Variants in SLIT3 observed in about 807,000 individuals in gnomAD.
The protein encoded by SLIT3 is slit guidance ligand 3, also known as slit homolog 3 protein.
In SLIT3, 68 loss-of-function variants were observed where a neutral mutation model predicts 184.0. The ratio of observed to expected loss-of-function variants is 0.37; its 90% CI spans 0.30 to 0.45. The LOEUF (loss-of-function observed/expected upper bound fraction) is 0.45. Ranked by LOEUF, SLIT3 falls within the 20% of genes least tolerant of loss-of-function variation. SLIT3 has a pLI of 1.00. For synonymous variants in SLIT3, 831 were observed against 828.6 expected (o/e 1.00, Z -0.05); for missense variants, 1,707 against 2,026.0 (o/e 0.84, Z 3.02).
chr5:168,910,733 G>C (rs1012872412), intron 4 of SLIT3, among the ~76,000 whole-genome samples: 1 of 144,026 alleles, frequency 6.9e-6, no homozygotes, highest in African/African-American at 2.6e-5. Context: ...GCGACAGAGT[G>C]AGACTCTGTC....
At position 168,822,360 on chromosome 5, in the gene SLIT3, AC is replaced by A. The variant is rs1302670001; in HGVS notation, c.629+899del. On this transcript the variant is annotated intron_variant, in intron 7 of 35. Coordinates refer to ENST00000519560, the MANE Select transcript of SLIT3 (RefSeq NM_003062.4). ...ATTTATAGAGGAGGGAACAGAGGAA[AC>A]AGAGCTAATAAAGGGGACTGCAGGA... is the stretch of plus-strand genomic sequence containing the variant. Among the ~76,000 whole-genome samples the A allele has an allele frequency of 4.6e-5, 7 of 152,354 alleles. No homozygotes were observed. The East Asian group carries it at 1.4e-3, about 29-fold the overall frequency.
At chr5:168,764,699 C>T (rs1429786093) in intron 14 of SLIT3, among the ~76,000 whole-genome samples, 2 of 152,134 alleles carry the variant, frequency 1.3e-5, no homozygotes. Context: ...GAAGCCTGGT[C>T]CTGTCCTCCT....
At chr5:169,221,071 A>T (rs1020015381) in intron 3 of SLIT3, among the ~76,000 whole-genome samples, 11 of 152,302 alleles carry the variant, frequency 7.2e-5, no homozygotes, top group African/African-American at 2.6e-4. Context: ...TGAGATCCCT[A>T]ACCCATAGGG....
At chr5:169,282,164 C>G (rs1767019419) in intron 1 of SLIT3, among the ~76,000 whole-genome samples, 1 of 152,178 alleles carries the variant, frequency 6.6e-6, no homozygotes, top group Non-Finnish European at 1.5e-5. Context: ...GGTGGGAGAA[C>G]CAGCATCTAT....
intron 4 of SLIT3, among the ~76,000 whole-genome samples, chr5:169,025,234 A>T (rs1756769869): frequency 6.6e-6 from 1 of 152,210 alleles, no homozygotes; most frequent in African/African-American, 2.4e-5. Context: ...AATTTTAAAG[A>T]CACTATTATT....
At chr5:169,097,124 C>G (rs777595402) in intron 4 of SLIT3, among the ~76,000 whole-genome samples, 4 of 152,156 alleles carry the variant, frequency 2.6e-5, no homozygotes, top group Admixed American at 1.3e-4. Context: ...GTTAAGATTC[C>G]TTGTTAGGAC....
At chr5:168,689,698 G>A (rs184799381) in intron 29 of SLIT3, among the ~76,000 whole-genome samples, 5 of 152,290 alleles carry the variant, frequency 3.3e-5, no homozygotes, top group East Asian at 3.9e-4. Flanking sequence ...GAGAGGGAAC[G>A]TACAAGGAGA....
intron 2 of SLIT3, among the ~76,000 whole-genome samples, chr5:169,248,979 T>TGG (rs1042679896): frequency 6.6e-6 from 1 of 152,200 alleles, no homozygotes; most frequent in Admixed American, 6.5e-5. Context: ...CAGAAACTGT[T>TGG]GGGTGGCCAA....
chr5:168,957,464 A>G (rs948465301), intron 4 of SLIT3, among the ~76,000 whole-genome samples: 1 of 152,192 alleles, frequency 6.6e-6, no homozygotes, highest in Non-Finnish European at 1.5e-5. Context: ...CACTTTGGAC[A>G]TACATCCCCC....
At chr5:169,103,836 C>T (rs1469334047) in intron 4 of SLIT3, among the ~76,000 whole-genome samples, 1 of 152,132 alleles carries the variant, frequency 6.6e-6, no homozygotes, top group Non-Finnish European at 1.5e-5. Flanking sequence ...CCTCGTCTCT[C>T]ACCAGTGGGA....
intron 5 of SLIT3, among the ~76,000 whole-genome samples, chr5:168,868,747 C>CAGAAAAAAAAAAAAAAAA (rs869113329): frequency 2.9e-5 from 2 of 69,320 alleles, no homozygotes; most frequent in Non-Finnish European, 2.9e-5. Flanking sequence ...GAATCTGCCT[C>CAGAAAAAAAAAAAAAAAA]AAAAAAAAAA....
intron 14 of SLIT3, among the ~76,000 whole-genome samples, chr5:168,768,722 TC>T (rs1755436346): frequency 6.6e-6 from 1 of 152,164 alleles, no homozygotes; most frequent in Admixed American, 6.5e-5. Context: ...CAAGAGACAA[TC>T]CACAGTTCCC....
At chr5:168,842,054 C>G (rs1179881807) in intron 6 of SLIT3, among the ~76,000 whole-genome samples, 1 of 151,978 alleles carries the variant, frequency 6.6e-6, no homozygotes, top group South Asian at 2.1e-4. Flanking sequence ...TTTATGGAGC[C>G]TAAATTGTGA....
intron 14 of SLIT3, among the ~76,000 whole-genome samples, chr5:168,766,106 C>T (rs1200204959): frequency 6.6e-6 from 1 of 152,208 alleles, no homozygotes; most frequent in Non-Finnish European, 1.5e-5. Context: ...AGGCCAGCAC[C>T]AGGTCCAGGA....
intron 4 of SLIT3, among the ~76,000 whole-genome samples, chr5:169,134,719 T>C (rs1295875219): frequency 1.3e-5 from 2 of 152,216 alleles, no homozygotes; most frequent in Admixed American, 6.5e-5. Flanking sequence ...CTGCACGTTG[T>C]GCACATGTAC....
At position 168,933,270 on chromosome 5, in the gene SLIT3, G is replaced by A. The variant is rs114363951; in HGVS notation, c.414-49934C>T. Among the ~76,000 whole-genome samples the A allele has an allele frequency of 9.6e-3, 1,456 of 151,588 alleles. 19 individuals are homozygous for A. Among genetic ancestry groups the A allele is most frequent in the African/African-American group, 0.033 (1,378 of 41,298 alleles). The stretch of plus-strand genomic sequence containing the variant: ...TTAAAACAGCCAGAGGAGGCTGGGC[G>A]CGGTGGCTCAAGCCTGTAATCCTGG... On this transcript the variant is annotated intron_variant, in intron 4 of 35. Transcript: ENST00000519560.
At chr5:169,056,269 C>T (rs1237504408) in intron 4 of SLIT3, among the ~76,000 whole-genome samples, 3 of 152,164 alleles carry the variant, frequency 2.0e-5, no homozygotes, top group Non-Finnish European at 2.9e-5. Context: ...AGGGTGCCGA[C>T]TTGATTCACA....
At chr5:169,240,580 T>A (rs1038605847) in intron 3 of SLIT3, among the ~76,000 whole-genome samples, 8 of 19,032 alleles carry the variant, frequency 4.2e-4, no homozygotes, top group Non-Finnish European at 1.1e-3. Context: ...TATCATTTTC[T>A]TTTTTTTTTT....
intron 4 of SLIT3, among the ~76,000 whole-genome samples, chr5:168,916,867 C>G (rs994058013): frequency 6.6e-6 from 1 of 152,130 alleles, no homozygotes; most frequent in Non-Finnish European, 1.5e-5. Flanking sequence ...AAGCCTTATA[C>G]AGGTAGATTG....
Sources: allele counts gnomAD v4.1 joint callset (sites outside exome capture counted in the v4.1 genomes callset), GRCh38; gene constraint gnomAD v4.1.1; transcripts MANE v1.5; gene names NCBI Gene and HGNC (gene_info 2026-07-23, HGNC 2026-07-21).